The following FMN1 variants were observed in gnomAD, a reference collection of about 807,000 sequenced individuals.
FMN1 encodes formin-1.
FMN1 carries 110 observed loss-of-function variants against 132.4 expected under a neutral mutation model. The observed-to-expected ratio is 0.83, with a 90% CI of 0.71 to 0.97. The LOEUF (loss-of-function observed/expected upper bound fraction) is 0.97. FMN1 is among the 50% of genes least tolerant of loss of function. FMN1 has a pLI of 0.00. For synonymous variants in FMN1, 722 were observed against 651.7 expected (o/e 1.11, Z -1.64); for missense variants, 1,792 against 1,705.3 (o/e 1.05, Z -0.90).
rs147650571 is a variant in FMN1 at position 33,029,387 on chromosome 15, A to G, written c.2162-21312T>C. Among the ~76,000 whole-genome samples the G allele has an allele frequency of 2.6e-3, 397 of 151,950 alleles. 6 individuals are homozygous for G. Among genetic ancestry groups the G allele is most frequent in the African/African-American group, 8.9e-3 (367 of 41,438 alleles). On this transcript the variant is annotated intron_variant, in intron 6 of 20. Coordinates refer to ENST00000616417, the MANE Select transcript of FMN1 (RefSeq NM_001277313.2). ...GAGGTCAAATGCTCAGGGTAAAGGGAGAGAGAGAGAGAACTAGATGTTCTG... is the reference window on the plus strand; with the variant it reads ...GAGGTCAAATGCTCAGGGTAAAGGGGGAGAGAGAGAGAACTAGATGTTCTG...
intron 16 of FMN1, among the ~76,000 whole-genome samples, chr15:32,867,532 C>T (rs1172377646): frequency 6.6e-6 from 1 of 151,428 alleles, no homozygotes; most frequent in Non-Finnish European, 1.5e-5. Flanking sequence ...GAGACGGAGT[C>T]TCGCTCTTTC....
At chr15:33,098,807 A>G (rs2039182365) in intron 4 of FMN1, among the ~76,000 whole-genome samples, 1 of 152,116 alleles carries the variant, frequency 6.6e-6, no homozygotes, top group Non-Finnish European at 1.5e-5. Context: ...CCCTGCCTCT[A>G]GTTCTTGCCA....
chr15:33,067,641 C>T (rs1360219941), intron 5 of FMN1: 8 of 1,613,914 alleles, frequency 5.0e-6, no homozygotes, highest in Middle Eastern at 1.6e-4. Context: ...GACCCTGCTT[C>T]CTGTGGATCC....
rs560070414 is a variant in FMN1, at chr15:32,802,805, A to G, written c.3980+1476T>C. On this transcript the variant is annotated intron_variant, in intron 18 of 20. Coordinates refer to ENST00000616417, the MANE Select transcript of FMN1 (RefSeq NM_001277313.2). ...CTTATGTGCTGGATGTTTCTATAAC[A>G]CAGACGTGCTAGTTTTATGCATTGT... is the stretch of plus-strand genomic sequence containing the variant. 7.7e-4 allele frequency among the ~76,000 whole-genome samples: 117 copies of G among 152,354 alleles called. 1 individual carries two copies. The South Asian group carries it at 0.021, about 27-fold the overall frequency.
At chr15:32,951,273 A>C (rs1215764372) in intron 9 of FMN1, among the ~76,000 whole-genome samples, 2 of 152,242 alleles carry the variant, frequency 1.3e-5, no homozygotes, top group Non-Finnish European at 2.9e-5. Flanking sequence ...GTTACCATGA[A>C]AGCAAAATAC....
chr15:33,036,535 A>G (rs2036200792), intron 6 of FMN1, among the ~76,000 whole-genome samples: 1 of 152,118 alleles, frequency 6.6e-6, no homozygotes, highest in South Asian at 2.1e-4. Context: ...GAGAGCTGAG[A>G]TTTCTGTCAG....
chr15:32,790,618 T>C (rs1408664302), intron 19 of FMN1, among the ~76,000 whole-genome samples: 1 of 152,204 alleles, frequency 6.6e-6, no homozygotes, highest in Non-Finnish European at 1.5e-5. Flanking sequence ...TGCTGATCTC[T>C]AACACTGCCC....
intron 7 of FMN1, among the ~76,000 whole-genome samples, chr15:32,995,346 A>T (rs1319234682): frequency 2.0e-5 from 3 of 152,174 alleles, no homozygotes; most frequent in Non-Finnish European, 4.4e-5. Flanking sequence ...TTCTATAAAA[A>T]GTTGATAATT....
intron 6 of FMN1, among the ~76,000 whole-genome samples, chr15:33,051,451 C>G (rs2036967122): frequency 6.6e-6 from 1 of 151,944 alleles, no homozygotes; most frequent in East Asian, 1.9e-4. Flanking sequence ...CCTGCCACCA[C>G]CAGGATGTCG....
intron 20 of FMN1, among the ~76,000 whole-genome samples, chr15:32,776,334 TG>T (rs1309753540): frequency 1.3e-5 from 2 of 152,180 alleles, no homozygotes; most frequent in Non-Finnish European, 2.9e-5. Context: ...GGGAGACTGC[TG>T]GTTTCCAGCA....
At chr15:33,000,844 G>A (rs2034060241) in intron 7 of FMN1, among the ~76,000 whole-genome samples, 2 of 152,164 alleles carry the variant, frequency 1.3e-5, no homozygotes, top group South Asian at 2.1e-4. Flanking sequence ...AAATATATTT[G>A]ACCATGAAAA....
chr15:32,891,447 T>C (rs2060027650), intron 15 of FMN1, among the ~76,000 whole-genome samples: 2 of 152,228 alleles, frequency 1.3e-5, no homozygotes, highest in African/African-American at 2.4e-5. Flanking sequence ...TTTCACCATG[T>C]TAGCCAGGAT....
intron 6 of FMN1, among the ~76,000 whole-genome samples, chr15:33,034,558 CAGAG>C (rs1212930082): frequency 6.6e-6 from 1 of 152,158 alleles, no homozygotes; most frequent in Non-Finnish European, 1.5e-5. Flanking sequence ...GCCTGGGCAA[CAGAG>C]AGAGACCTTG....
chr15:32,869,899 G>T (rs1207990805), intron 16 of FMN1, among the ~76,000 whole-genome samples: 1 of 152,190 alleles, frequency 6.6e-6, no homozygotes, highest in Non-Finnish European at 1.5e-5. Flanking sequence ...TTCCAGGGAA[G>T]TTGGGGGTGC....
At chr15:32,875,812 T>C (rs1452422679) in intron 16 of FMN1, among the ~76,000 whole-genome samples, 1 of 152,230 alleles carries the variant, frequency 6.6e-6, no homozygotes. Flanking sequence ...TTCACAAAAC[T>C]ATCCACTACT....
At chr15:32,974,905 T>C (rs2032080113) in intron 7 of FMN1, among the ~76,000 whole-genome samples, 1 of 152,218 alleles carries the variant, frequency 6.6e-6, no homozygotes, top group African/African-American at 2.4e-5. Context: ...AGATTGAGAA[T>C]AGTTATTCTA....
intron 7 of FMN1, among the ~76,000 whole-genome samples, chr15:32,978,270 T>C (rs2032373866): frequency 6.6e-6 from 1 of 152,200 alleles, no homozygotes. Context: ...GTAAAACAGA[T>C]GTTTGAAATC....
Position 32,964,122 on chromosome 15 carries a change from T to C in FMN1, c.3123A>G (p.Lys1041=), listed in dbSNP as rs753327514. 1.4e-5 allele frequency: 23 copies of C among 1,611,672 alleles called. No individual in the cohort carries two copies. Among genetic ancestry groups the C allele is most frequent in the Non-Finnish European group, 1.9e-5 (22 of 1,179,136 alleles). Residue 1041 remains lysine, a synonymous_variant, in exon 9 of 21, where the codon AAA becomes AAG. Coordinates refer to ENST00000616417, the MANE Select transcript of FMN1 (RefSeq NM_001277313.2). ...CACTCAGTACCTTTTTGACCTTGTT[T>C]TTCTTCTCATAAGTCTCTGACAGAG... ...KKPLSETYEK[K]NKVKKIIKLL... is the part of the protein sequence containing the mutation.
rs1289366391 is a variant in FMN1 at position 33,177,825 on chromosome 15, T to G, written c.-132+2373A>C. Among the ~76,000 whole-genome samples the G allele has an allele frequency of 2.0e-5, 3 of 152,056 alleles. No individual in the cohort carries two copies. In the East Asian group the frequency reaches 5.8e-4, roughly 30 times the overall value. On this transcript the variant is annotated intron_variant, in intron 3 of 20. Transcript: ENST00000616417. ...TTCGAGACCAGCCAGACCAACATGG[T>G]GAAACCCTGTCTCTATTAAAAATAC...
Sources: allele counts gnomAD v4.1 joint callset (sites outside exome capture counted in the v4.1 genomes callset), GRCh38; gene constraint gnomAD v4.1.1; transcripts MANE v1.5; gene names NCBI Gene and HGNC (gene_info 2026-07-23, HGNC 2026-07-21).